The following HTR4 variants were observed in gnomAD, a reference collection of about 807,000 sequenced individuals.
HTR4 encodes 5-hydroxytryptamine (serotonin) receptor 4, G protein-coupled.
A neutral mutation model predicts 36.8 loss-of-function variants in HTR4; 16 were observed. The ratio of observed to expected loss-of-function variants is 0.43; its 90% CI spans 0.29 to 0.66. HTR4 has a LOEUF of 0.66. HTR4 is among the 30% of genes least tolerant of loss of function. The pLI is 0.13. For synonymous variants in HTR4, 189 were observed against 185.1 expected, an observed-to-expected ratio of 1.02 and a Z score of -0.17; for missense variants, 438 against 490.9, an observed-to-expected ratio of 0.89 and a Z score of 1.02.
intron 1 of HTR4, among the ~76,000 whole-genome samples, chr5:148,649,428 G>A (rs1483720523): frequency 6.6e-6 from 1 of 152,166 alleles, no homozygotes; most frequent in Non-Finnish European, 1.5e-5. Context: ...TCTCCATAGT[G>A]CTAATGTGGA....
intron 1 of HTR4, among the ~76,000 whole-genome samples, chr5:148,648,717 C>T (rs1169495780): frequency 6.6e-6 from 1 of 151,680 alleles, no homozygotes; most frequent in Non-Finnish European, 1.5e-5. Context: ...AGGATGAGCC[C>T]GTGGCAACTA....
chr5:148,577,631 G>GCAGC (rs1760976677), intron 2 of HTR4, among the ~76,000 whole-genome samples: 1 of 152,076 alleles, frequency 6.6e-6, no homozygotes, highest in African/African-American at 2.4e-5. Context: ...AGAATACTAT[G>GCAGC]CAGCCTATAT....
intron 5 of HTR4, among the ~76,000 whole-genome samples, chr5:148,455,409 G>T (rs938829843): frequency 5.3e-5 from 8 of 152,210 alleles, no homozygotes; most frequent in African/African-American, 1.9e-4. Context: ...TACTGCCGTG[G>T]AATGCAGGCA....
At chr5:148,514,172 T>C (rs1282565983) in intron 5 of HTR4, among the ~76,000 whole-genome samples, 1 of 152,166 alleles carries the variant, frequency 6.6e-6, no homozygotes, top group East Asian at 1.9e-4. Flanking sequence ...TGACACCTTG[T>C]TTCACTCCCA....
chr5:148,629,619 A>T (rs141227281), intron 2 of HTR4: 3 of 152,306 alleles, frequency 2.0e-5, no homozygotes, highest in African/African-American at 7.2e-5. Context: ...CACCCCTTTC[A>T]GTAATAACCA....
At position 148,482,180 on chromosome 5, in the gene HTR4, C is replaced by T; in HGVS notation, c.*1023G>A. 1.0e-6 allele frequency: 1 copy of T among 985,596 alleles called. No individual in the cohort carries two copies. Among genetic ancestry groups the T allele is most frequent in the Non-Finnish European group, 1.2e-6 (1 of 830,074 alleles). The allele number at this position is 985,596 out of a possible 1,614,324, so 61.1% of individuals were successfully genotyped here. A position where few individuals can be genotyped will look rare whatever the true frequency, so the allele number is the denominator to read the frequency against. On this transcript the variant is annotated 3_prime_UTR_variant, in exon 7 of 7. Coordinates refer to ENST00000377888, the MANE Select transcript of HTR4 (RefSeq NM_000870.7). ...ATCCCCAGTGCTGCTGGATCCTGCC[C>T]TCCTGCACCTTGGGGGAGCTGCAGG...
At chr5:148,648,886 T>G (rs1276890489) in intron 1 of HTR4, among the ~76,000 whole-genome samples, 9 of 152,194 alleles carry the variant, frequency 5.9e-5, no homozygotes, top group Admixed American at 5.9e-4. Flanking sequence ...TTTCTAGAAT[T>G]GACTGTTTTC....
intron 2 of HTR4, among the ~76,000 whole-genome samples, chr5:148,616,967 C>A (rs1342111586): frequency 6.6e-6 from 1 of 152,162 alleles, no homozygotes; most frequent in Admixed American, 6.5e-5. Context: ...TGTTAATCAC[C>A]TAAACCCAAC....
At chr5:148,623,328 A>G (rs1218134436) in intron 2 of HTR4, among the ~76,000 whole-genome samples, 2 of 152,090 alleles carry the variant, frequency 1.3e-5, no homozygotes, top group African/African-American at 4.8e-5. Context: ...CCAGTGAGGA[A>G]AACCGGTAGC....
intron 1 of HTR4, among the ~76,000 whole-genome samples, chr5:148,649,605 G>T (rs189831627): frequency 2.6e-5 from 4 of 152,306 alleles, no homozygotes; most frequent in Non-Finnish European, 5.9e-5. Flanking sequence ...AGCAGTGGGG[G>T]TAGGTGGAGA....
intron 4 of HTR4, among the ~76,000 whole-genome samples, chr5:148,537,224 A>G (rs1816403): frequency 0.98 from 148,685 of 152,278 alleles, 72,610 homozygotes; most frequent in East Asian, 1. Flanking sequence ...GGATCTATGG[A>G]ACACAGCAAA....
At chr5:148,623,800 AAAATAAATAAAT>A (rs535369303) in intron 2 of HTR4, among the ~76,000 whole-genome samples, 13 of 152,154 alleles carry the variant, frequency 8.5e-5, no homozygotes, top group Non-Finnish European at 1.8e-4. Context: ...GAGGATGGCA[AAAATAAATAAAT>A]AAATAAATAA....
rs1346015372 is a variant in HTR4 at position 148,568,817 on chromosome 5, C to T, written c.27-18555G>A. Among the ~76,000 whole-genome samples, 8 of 152,114 alleles carry T rather than the reference C, an allele frequency of 5.3e-5. No individual in the cohort carries two copies. In the East Asian group the frequency reaches 1.5e-3, roughly 29 times the overall value. ...TCTATTCTAGGGAAATGCCCCAACA[C>T]TTGCTTAGGTGTCCAGAGATGCATG... On this transcript the variant is annotated intron_variant, in intron 2 of 6. Transcript: ENST00000377888.
At chr5:148,451,387 G>T (rs1754970315) in intron 5 of HTR4, 1 of 1,544,706 alleles carries the variant, frequency 6.5e-7, no homozygotes, top group Non-Finnish European at 8.8e-7. Flanking sequence ...CTGAGGGTAT[G>T]GTGAAGTGGG....
chr5:148,649,856 G>A (rs1277683094), intron 1 of HTR4, among the ~76,000 whole-genome samples: 4 of 152,040 alleles, frequency 2.6e-5, no homozygotes, highest in African/African-American at 7.2e-5. Flanking sequence ...AATCCAGGTG[G>A]CTGCATTGTG....
chr5:148,592,428 G>T (rs1448939612), intron 2 of HTR4, among the ~76,000 whole-genome samples: 2 of 151,918 alleles, frequency 1.3e-5, no homozygotes, highest in East Asian at 3.9e-4. Flanking sequence ...GAGAATAGAT[G>T]CCTAAACTAA....
chr5:148,643,577 A>AT (rs1453075977), intron 1 of HTR4, among the ~76,000 whole-genome samples: 4 of 152,242 alleles, frequency 2.6e-5, no homozygotes, highest in African/African-American at 9.6e-5. Flanking sequence ...CACTTGATTA[A>AT]CATTTCACTT....
Position 148,553,170 on chromosome 5 carries a change from A to G in HTR4, c.27-2908T>C, listed in dbSNP as rs372398061. On this transcript the variant is annotated intron_variant, in intron 2 of 6. Coordinates refer to ENST00000377888, the MANE Select transcript of HTR4 (RefSeq NM_000870.7). ...AGAAAAACAGACAATAAACAGATGC[A>G]TGAGACAGTATGTAAGGTGTCAGCT... 2.0e-4 allele frequency among the ~76,000 whole-genome samples: 31 copies of G among 152,340 alleles called. 1 individual carries two copies. In the South Asian group the frequency reaches 5.8e-3, roughly 28 times the overall value.
chr5:148,636,281 T>C (rs983299738), intron 2 of HTR4, among the ~76,000 whole-genome samples: 1 of 152,162 alleles, frequency 6.6e-6, no homozygotes, highest in Non-Finnish European at 1.5e-5. Context: ...AAAACAGTTC[T>C]TGTGATTACA....
Sources: gnomAD v4.1 joint callset for allele counts (sites outside exome capture counted in the v4.1 genomes callset) on GRCh38, gnomAD v4.1.1 for gene constraint, MANE v1.5 for transcripts, NCBI Gene and HGNC (gene_info 2026-07-23, HGNC 2026-07-21) for gene names.